The following RAPGEF6 variants were observed in gnomAD, a reference collection of about 807,000 sequenced individuals.
The protein encoded by RAPGEF6 is Rap guanine nucleotide exchange factor 6, also known as PDZ domain containing guanine nucleotide exchange factor (GEF) 2.
RAPGEF6 carries 56 observed loss-of-function variants against 171.4 expected under a neutral mutation model. That is an observed-to-expected ratio of 0.33 (90% CI 0.26 to 0.41). The LOEUF (loss-of-function observed/expected upper bound fraction) is 0.41, where lower values mean the gene tolerates loss of function less well. Ranked by LOEUF, RAPGEF6 falls within the 10% of genes least tolerant of loss-of-function variation. The pLI is 1.00. For synonymous variants in RAPGEF6, 692 were observed against 650.1 expected, an observed-to-expected ratio of 1.06 and a Z score of -0.98; for missense variants, 1,674 against 1,921.4, an observed-to-expected ratio of 0.87 and a Z score of 2.41.
chr5:131,564,225 A>G (rs966841290), intron 4 of RAPGEF6, among the ~76,000 whole-genome samples: 2 of 152,210 alleles, frequency 1.3e-5, no homozygotes, highest in Non-Finnish European at 2.9e-5. Flanking sequence ...GAGAGCAGCA[A>G]AGAGATACGG....
intron 4 of RAPGEF6, among the ~76,000 whole-genome samples, chr5:131,577,546 ATCTTC>A (rs1284940769): frequency 6.6e-6 from 1 of 152,140 alleles, no homozygotes; most frequent in African/African-American, 2.4e-5. Flanking sequence ...CAGGCTGCTA[ATCTTC>A]TCTTGTCTAC....
intron 15 of RAPGEF6, among the ~76,000 whole-genome samples, chr5:131,484,649 G>C (rs557273439): frequency 1.1e-3 from 173 of 152,102 alleles, no homozygotes; most frequent in African/African-American, 4.1e-3. Context: ...GAGCATAAAA[G>C]TACAAAGAAT....
intron 1 of RAPGEF6, among the ~76,000 whole-genome samples, chr5:131,611,057 T>C (rs1158595654): frequency 6.6e-6 from 1 of 152,232 alleles, no homozygotes; most frequent in Non-Finnish European, 1.5e-5. Context: ...AGGAATACTC[T>C]GATGGGTTCA....
rs73786695 is a variant in RAPGEF6 at position 131,517,075 on chromosome 5, A to C, written c.627+4315T>G. On this transcript the variant is annotated intron_variant, in intron 7 of 27. Coordinates refer to ENST00000509018, the MANE Select transcript of RAPGEF6 (RefSeq NM_016340.6). The stretch of plus-strand genomic sequence containing the variant: ...TAAGTGGGCGCTAACAATTGGGTAC[A>C]CATGGACCTAAAGATAGGAACACCA... 6.4e-3 allele frequency among the ~76,000 whole-genome samples: 977 copies of C among 152,320 alleles called. 8 individuals carry two copies. Among genetic ancestry groups the C allele is most frequent in the African/African-American group, 0.022 (915 of 41,566 alleles).
intron 13 of RAPGEF6, among the ~76,000 whole-genome samples, chr5:131,493,356 G>A (rs185060702): frequency 1.7e-4 from 26 of 152,216 alleles, no homozygotes; most frequent in Admixed American, 3.9e-4. Context: ...GAGCCACCGC[G>A]CCCGACCTAC....
intron 1 of RAPGEF6, among the ~76,000 whole-genome samples, chr5:131,608,813 C>G (rs1035341257): frequency 2.8e-4 from 42 of 152,036 alleles, no homozygotes; most frequent in African/African-American, 1.0e-3. Flanking sequence ...ACCACGTGAT[C>G]TCTTTTTTTT....
chr5:131,621,424 G>C (rs556357064), intron 1 of RAPGEF6, among the ~76,000 whole-genome samples: 35 of 152,016 alleles, frequency 2.3e-4, no homozygotes, highest in Non-Finnish European at 1.8e-4. Flanking sequence ...TGAGTAGCTG[G>C]CATGCACCAC....
intron 1 of RAPGEF6, among the ~76,000 whole-genome samples, chr5:131,615,795 G>C (rs1765228294): frequency 6.6e-6 from 1 of 152,138 alleles, no homozygotes; most frequent in African/African-American, 2.4e-5. Flanking sequence ...CCAGCTACTT[G>C]GGAGGCTGAG....
At chr5:131,625,052 A>G (rs553043979) in intron 1 of RAPGEF6, among the ~76,000 whole-genome samples, 8 of 152,026 alleles carry the variant, frequency 5.3e-5, no homozygotes, top group African/African-American at 1.4e-4. Context: ...TCATGAGGTC[A>G]GCAGTTCGAG....
chr5:131,471,960 C>T (rs1252747480), intron 17 of RAPGEF6: 2 of 152,552 alleles, frequency 1.3e-5, no homozygotes, highest in East Asian at 1.9e-4. Flanking sequence ...TTTTCCACAC[C>T]CTGGGTAAGA....
chr5:131,611,477 G>A (rs1184428058), intron 1 of RAPGEF6, among the ~76,000 whole-genome samples: 13 of 152,136 alleles, frequency 8.5e-5, no homozygotes, highest in Admixed American at 8.5e-4. Flanking sequence ...TTCGAGACCA[G>A]CCTGGCTAAT....
chr5:131,468,461 T>C (rs1339176924), intron 17 of RAPGEF6, among the ~76,000 whole-genome samples: 1 of 152,088 alleles, frequency 6.6e-6, no homozygotes, highest in African/African-American at 2.4e-5. Context: ...ATGAAGTTTC[T>C]AGAGAGCTAA....
intron 21 of RAPGEF6, among the ~76,000 whole-genome samples, chr5:131,449,264 A>G (rs1268923388): frequency 6.6e-6 from 1 of 152,252 alleles, no homozygotes; most frequent in Non-Finnish European, 1.5e-5. Context: ...ACCTAACTCT[A>G]TAACAAATAG....
chr5:131,576,756 T>C (rs1762629154), intron 4 of RAPGEF6, among the ~76,000 whole-genome samples: 1 of 152,220 alleles, frequency 6.6e-6, no homozygotes, highest in Non-Finnish European at 1.5e-5. Flanking sequence ...AAATGGTTCT[T>C]GGATCAAGGA....
At chr5:131,543,043 A>G (rs1032440189) in intron 6 of RAPGEF6, among the ~76,000 whole-genome samples, 1 of 152,172 alleles carries the variant, frequency 6.6e-6, no homozygotes, top group Admixed American at 6.5e-5. Flanking sequence ...TTTCCATCAT[A>G]ACAGAAAATT....
At chr5:131,471,594 T>A (rs1754742323) in intron 17 of RAPGEF6, among the ~76,000 whole-genome samples, 1 of 152,222 alleles carries the variant, frequency 6.6e-6, no homozygotes, top group Admixed American at 6.5e-5. Context: ...GTTTCAGTGC[T>A]TAATTGTATA....
At chr5:131,610,203 A>G (rs538286324) in intron 1 of RAPGEF6, among the ~76,000 whole-genome samples, 1 of 152,336 alleles carries the variant, frequency 6.6e-6, no homozygotes, top group South Asian at 2.1e-4. Context: ...ATTTATCATT[A>G]TTCCCAATGA....
At chr5:131,496,388 A>G (rs1003377021) in intron 12 of RAPGEF6, among the ~76,000 whole-genome samples, 1 of 152,186 alleles carries the variant, frequency 6.6e-6, no homozygotes, top group African/African-American at 2.4e-5. Flanking sequence ...CATCATTTTA[A>G]TGATTTTAAA....
intron 4 of RAPGEF6, among the ~76,000 whole-genome samples, chr5:131,584,701 C>T (rs1447933690): frequency 6.6e-6 from 1 of 152,168 alleles, no homozygotes; most frequent in East Asian, 1.9e-4. Flanking sequence ...CATCAGTGGC[C>T]ACCAGGACCC....
Sources: allele counts gnomAD v4.1 joint callset (sites outside exome capture counted in the v4.1 genomes callset), GRCh38; gene constraint gnomAD v4.1.1; transcripts MANE v1.5; gene names NCBI Gene and HGNC (gene_info 2026-07-23, HGNC 2026-07-21).